RTP4: variants seen among roughly 807,000 people sequenced by gnomAD.
The protein encoded by RTP4 is receptor-transporting protein 4.
In RTP4, 5 loss-of-function variants were observed where a neutral mutation model predicts 6.5. That is an observed-to-expected ratio of 0.77 (90% CI 0.40 to 1.62). The LOEUF (loss-of-function observed/expected upper bound fraction) is 1.62. Ranked by LOEUF, RTP4 falls within the 40% of genes most tolerant of loss-of-function variation. The probability of loss-of-function intolerance (pLI) is 0.02; values close to 1 mark genes in which losing one functional copy is unlikely to be tolerated. For synonymous variants in RTP4, 112 were observed against 114.8 expected, an observed-to-expected ratio of 0.98 and a Z score of 0.15; for missense variants, 266 against 288.7, an observed-to-expected ratio of 0.92 and a Z score of 0.57.
chr3:187,369,664 TATAA>T (rs974919915), intron 1 of RTP4, among the ~76,000 whole-genome samples: 6 of 150,562 alleles, frequency 4.0e-5, no homozygotes, highest in African/African-American at 1.5e-4. Context: ...ATAATAAATT[TATAA>T]ATAATATATG....
rs1222551628 is a variant in RTP4 at position 187,371,989 on chromosome 3, C to G, written c.*616C>G. ...GAGTCTGCAGAAGGAACCAGCCCTG[C>G]CTGCACATGGCTTTAGCCCAGTGAC... On this transcript the variant is annotated 3_prime_UTR_variant, in exon 2 of 2. Coordinates refer to ENST00000259030, the MANE Select transcript of RTP4 (RefSeq NM_022147.3). 1 of 152,410 alleles carries G rather than the reference C, an allele frequency of 6.6e-6. No homozygotes were observed. The highest frequency in any genetic ancestry group is 1.5e-5 in the Non-Finnish European group (1 of 68,214). The allele number at this position is 152,410 out of a possible 1,614,324, so 9.4% of individuals were successfully genotyped here.
Position 187,371,173 on chromosome 3 carries a change from C to T in RTP4, c.541C>T (p.Leu181=), listed in dbSNP as rs1395536231. ...GCCGTCCAAATCCCTACTCCCCCAC[C>T]TAAAGACTGGGAATTCCTCACCTGG... is the stretch of plus-strand genomic sequence containing the variant. ...TKPSKSLLPH[L]KTGNSSPGIG... Residue 181 remains leucine, a synonymous_variant, in exon 2 of 2, where the codon CTA becomes TTA. Coordinates refer to ENST00000259030, the MANE Select transcript of RTP4 (RefSeq NM_022147.3). 1 of 1,614,150 alleles carries T rather than the reference C, an allele frequency of 6.2e-7. No individual in the cohort carries two copies. The highest frequency in any genetic ancestry group is 1.1e-5 in the South Asian group (1 of 91,070).
chr3:187,370,890 G>A lies in RTP4; in HGVS notation c.258G>A (p.Met86Ile), dbSNP rs781297429. The A allele has an allele frequency of 6.2e-7, 1 of 1,614,116 alleles. No individual in the cohort carries two copies. Among genetic ancestry groups the A allele is most frequent in the Non-Finnish European group, 8.5e-7 (1 of 1,180,032 alleles). ...GGACATCCCAGGGTCAGGTGCGTAT[G>A]AGGCTCTTTGGCCAAAGGTGCCAGA... is the stretch of plus-strand genomic sequence containing the variant. Reference protein sequence around the residue: ...EHWTSQGQVRMRLFGQRCQKC... With the variant: ...EHWTSQGQVRIRLFGQRCQKC... Residue 86 changes from methionine (M) to isoleucine (I), a missense_variant, in exon 2 of 2, where the codon ATG (methionine) becomes ATA (isoleucine). Met to Ile is a conservative substitution (Grantham distance 10). Coordinates refer to ENST00000259030, the MANE Select transcript of RTP4 (RefSeq NM_022147.3).
In RTP4 at chr3:187,371,175, A is replaced by G. The variant is rs1483783663; in HGVS notation, c.543A>G (p.Leu181=). The G allele has an allele frequency of 6.2e-7, 1 of 1,614,082 alleles. No homozygotes were observed. The highest frequency in any genetic ancestry group is 1.1e-5 in the South Asian group (1 of 91,070). ...CGTCCAAATCCCTACTCCCCCACCT[A>G]AAGACTGGGAATTCCTCACCTGGAA... ...TKPSKSLLPH[L]KTGNSSPGIG... is the part of the protein sequence containing the mutation. The change falls in exon 2 of 2, where the codon CTA becomes CTG. Residue 181 remains leucine, a synonymous_variant. Coordinates refer to ENST00000259030, the MANE Select transcript of RTP4 (RefSeq NM_022147.3).
In RTP4 at chr3:187,370,972, A is replaced by AT. The variant is rs758675041; in HGVS notation, c.342dup (p.Leu115SerfsTer36). Reference sequence around the variant, plus strand: ...GTTCTCCTCGGATAGCACCATGAGGATTCTGAGCAACCTGGTGCAGCATAT... The same window carrying AT: ...GTTCTCCTCGGATAGCACCATGAGGATTTCTGAGCAACCTGGTGCAGCATAT... On this transcript the variant is annotated frameshift_variant, in exon 2 of 2. Coordinates refer to ENST00000259030, the MANE Select transcript of RTP4 (RefSeq NM_022147.3). LOFTEE classifies it low-confidence loss of function (END_TRUNC). 10 of 1,614,222 alleles carry AT rather than the reference A, an allele frequency of 6.2e-6. No homozygotes were observed. The South Asian group carries it at 9.9e-5, about 16-fold the overall frequency.
intron 1 of RTP4, among the ~76,000 whole-genome samples, chr3:187,369,693 G>A (rs1458518640): frequency 6.6e-6 from 1 of 151,186 alleles, no homozygotes; most frequent in African/African-American, 2.4e-5. Context: ...ATTATATATT[G>A]TATCAAATAC....
chr3:187,368,671 C>A, intron 1 of RTP4, 75 bp downstream of exon 1: 1 of 1,397,826 alleles, frequency 7.2e-7, no homozygotes, highest in East Asian at 2.4e-5. Flanking sequence ...ATTTATTCCT[C>A]TGAGAGCTTG....
Position 187,368,606 on chromosome 3 carries a change from G to C in RTP4, c.155+10G>C. The C allele has an allele frequency of 6.2e-7, 1 of 1,603,154 alleles. No individual in the cohort carries two copies. Among genetic ancestry groups the C allele is most frequent in the Non-Finnish European group, 8.5e-7 (1 of 1,174,956 alleles). On this transcript the variant is annotated intron_variant, in intron 1 of 1. Transcript: ENST00000259030. Reference sequence around the variant, plus strand: ...AGAGAGCATTTGGCTGGTGAGTGTGGGTTTCCCAGGCAATAGCTCTTCTGA... The same window carrying C: ...AGAGAGCATTTGGCTGGTGAGTGTGCGTTTCCCAGGCAATAGCTCTTCTGA...
Position 187,368,565 on chromosome 3 carries a change from T to C in RTP4, c.124T>C (p.Trp42Arg), listed in dbSNP as rs751107506. Residue 42 changes from tryptophan (W) to arginine (R), a missense_variant, in exon 1 of 2, where the codon TGG (tryptophan) becomes CGG (arginine). Trp to Arg is a moderately radical substitution (Grantham distance 101). Coordinates refer to ENST00000259030, the MANE Select transcript of RTP4 (RefSeq NM_022147.3). ...TCAGCTAGACTGCCTGGCTCAAGGG[T>C]GGAAGCAATACCAACAGAGAGCATT... Reference protein sequence around the residue: ...NLQLDCLAQGWKQYQQRAFGW... With the variant: ...NLQLDCLAQGRKQYQQRAFGW... 9 of 1,613,692 alleles carry C rather than the reference T, an allele frequency of 5.6e-6. No homozygotes were observed. The highest frequency in any genetic ancestry group is 7.6e-6 in the Non-Finnish European group (9 of 1,179,922).
At chr3:187,369,070 G>A (rs769898369) in intron 1 of RTP4, among the ~76,000 whole-genome samples, 1 of 149,356 alleles carries the variant, frequency 6.7e-6, no homozygotes, top group Non-Finnish European at 1.5e-5. Flanking sequence ...TCTGAACATT[G>A]CTTTACTGAA....
chr3:187,368,546 A>T lies in RTP4; in HGVS notation c.105A>T (p.Leu35=). The change falls in exon 1 of 2, where the codon CTA becomes CTT. Residue 35 remains leucine, a synonymous_variant. Coordinates refer to ENST00000259030, the MANE Select transcript of RTP4 (RefSeq NM_022147.3). ...WTLKLDGNLQ[L]DCLAQGWKQY... ...TGAAGTTGGATGGCAACCTTCAGCT[A>T]GACTGCCTGGCTCAAGGGTGGAAGC... 1 of 1,614,160 alleles carries T rather than the reference A, an allele frequency of 6.2e-7. No homozygotes were observed. Among genetic ancestry groups the T allele is most frequent in the Non-Finnish European group, 8.5e-7 (1 of 1,180,010 alleles).
At position 187,371,730 on chromosome 3, in the gene RTP4, G is replaced by T; in HGVS notation, c.*357G>T. 4.8e-6 allele frequency: 1 copy of T among 207,444 alleles called. No individual in the cohort carries two copies. The highest frequency in any genetic ancestry group is 2.3e-5 in the African/African-American group (1 of 43,812). 12.9% of individuals were successfully genotyped at this position (207,444 alleles called of 1,614,324 possible). ...AACATGTTACTTTACATGGTAGAAT[G>T]GACTTTGCGGATGTAATTAAGGACC... is the stretch of plus-strand genomic sequence containing the variant. On this transcript the variant is annotated 3_prime_UTR_variant, in exon 2 of 2. Coordinates refer to ENST00000259030, the MANE Select transcript of RTP4 (RefSeq NM_022147.3).
chr3:187,369,294 C>T (rs184708632), intron 1 of RTP4, among the ~76,000 whole-genome samples: 11 of 152,230 alleles, frequency 7.2e-5, no homozygotes, highest in Admixed American at 2.6e-4. Context: ...ACACACAGGA[C>T]CTTCGGTATA....
intron 1 of RTP4, among the ~76,000 whole-genome samples, chr3:187,370,203 T>C (rs1297017300): frequency 1.3e-5 from 2 of 152,236 alleles, no homozygotes; most frequent in Admixed American, 6.5e-5. Flanking sequence ...GGATGCAGTC[T>C]GTTTCTCCAG....
In RTP4 at chr3:187,370,816, T is replaced by G. The variant is rs1711592788; in HGVS notation, c.184T>G (p.Trp62Gly). 3 of 1,613,078 alleles carry G rather than the reference T, an allele frequency of 1.9e-6. No individual in the cohort carries two copies. Among genetic ancestry groups the G allele is most frequent in the Non-Finnish European group, 2.5e-6 (3 of 1,179,112 alleles). Residue 62 changes from tryptophan (W) to glycine (G), a missense_variant, in exon 2 of 2, where the codon TGG becomes GGG. Physicochemically the swap from Trp to Gly is radical, Grantham distance 184. Transcript: ENST00000259030. ...WFRCSSCQRS[W>G]ASAQVQILCH... is the part of the protein sequence containing the mutation. ...CCGGTGTTCCTCCTGCCAGCGAAGT[T>G]GGGCTTCCGCCCAAGTGCAGATTCT... is the stretch of plus-strand genomic sequence containing the variant.
At chr3:187,370,748 C>A in intron 1 of RTP4, 40 bp from the exon 2 acceptor site, 1 of 1,494,558 alleles carries the variant, frequency 6.7e-7, no homozygotes, top group Non-Finnish European at 9.2e-7. Flanking sequence ...AGGTTAACAA[C>A]CAGATGAAGG....
At chr3:187,369,553 G>T (rs949834584) in intron 1 of RTP4, among the ~76,000 whole-genome samples, 1 of 151,354 alleles carries the variant, frequency 6.6e-6, no homozygotes, top group African/African-American at 2.4e-5. Context: ...GTATTCCTTC[G>T]TATACATTCC....
rs1323942923 is a variant in RTP4 at position 187,370,788 on chromosome 3, G to T, written c.156G>T (p.Trp52Cys). Reference protein sequence around the residue: ...WKQYQQRAFGWFRCSSCQRSW... With the variant: ...WKQYQQRAFGCFRCSSCQRSW... ...ATGGGTGTCTTCCTTCTGACTGCAGGTTCCGGTGTTCCTCCTGCCAGCGAA... is the reference window on the plus strand; with the variant it reads ...ATGGGTGTCTTCCTTCTGACTGCAGTTTCCGGTGTTCCTCCTGCCAGCGAA... The change falls in exon 2 of 2, where the codon TGG becomes TGT. Residue 52 changes from tryptophan (W) to cysteine (C), a missense_variant and splice_region_variant. Coordinates refer to ENST00000259030, the MANE Select transcript of RTP4 (RefSeq NM_022147.3). 2.5e-6 allele frequency: 4 copies of T among 1,611,078 alleles called. No individual in the cohort carries two copies. Among genetic ancestry groups the T allele is most frequent in the South Asian group, 1.1e-5 (1 of 90,944 alleles).
At chr3:187,369,296 T>C (rs1711559026) in intron 1 of RTP4, among the ~76,000 whole-genome samples, 2 of 152,164 alleles carry the variant, frequency 1.3e-5, no homozygotes, top group African/African-American at 4.8e-5. Flanking sequence ...ACACAGGACC[T>C]TCGGTATAGT....
Sources: gnomAD v4.1 joint callset for allele counts (sites outside exome capture counted in the v4.1 genomes callset) on GRCh38, gnomAD v4.1.1 for gene constraint, MANE v1.5 for transcripts, NCBI Gene and HGNC (gene_info 2026-07-23, HGNC 2026-07-21) for gene names.